The following NGB variants were observed in gnomAD, a reference collection of about 807,000 sequenced individuals.
NGB encodes neuroglobin, also known as nitrite reductase.
NGB carries 12 observed loss-of-function variants against 17.3 expected under a neutral mutation model. The observed-to-expected ratio is 0.69, with a 90% CI of 0.45 to 1.13. The LOEUF (loss-of-function observed/expected upper bound fraction) is 1.13. Ranked by LOEUF, NGB falls within the 50% of genes most tolerant of loss-of-function variation. NGB has a pLI of 0.00. For synonymous variants in NGB, 87 were observed against 81.0 expected, an observed-to-expected ratio of 1.07 and a Z score of -0.40; for missense variants, 195 against 191.7, an observed-to-expected ratio of 1.02 and a Z score of -0.10.
intron 1 of NGB, 41 bp from the exon 2 acceptor site, chr14:77,269,367 C>T: frequency 7.3e-7 from 1 of 1,373,324 alleles, no homozygotes. Context: ...GGGGTGTGAG[C>T]TCCTGCAAGC....
intron 3 of NGB, among the ~76,000 whole-genome samples, chr14:77,268,032 C>G (rs146401513): frequency 2.0e-5 from 3 of 152,238 alleles, no homozygotes; most frequent in African/African-American, 7.2e-5. Context: ...GGACAGAGCT[C>G]AAAGGCTGAC....
At position 77,271,140 on chromosome 14, in the gene NGB, C is replaced by T. The variant is rs1889772648; in HGVS notation, c.-203G>A. ...CGGCCAGTCGTAGGTGGAGACACCCCAGCTGTGCTTCCGGGGACCCCGCTT... is the reference window on the plus strand; with the variant it reads ...CGGCCAGTCGTAGGTGGAGACACCCTAGCTGTGCTTCCGGGGACCCCGCTT... On this transcript the variant is annotated 5_prime_UTR_variant, in exon 1 of 4. Coordinates refer to ENST00000298352, the MANE Select transcript of NGB (RefSeq NM_021257.4). 1 of 463,636 alleles carries T rather than the reference C, an allele frequency of 2.2e-6. No homozygotes were observed. Among genetic ancestry groups the T allele is most frequent in the Non-Finnish European group, 3.8e-6 (1 of 263,978 alleles). The allele number at this position is 463,636 out of a possible 1,614,324, so 28.7% of individuals were successfully genotyped here.
rs749676611 is a variant in NGB, at chr14:77,266,541, C to G, written c.451G>C (p.Glu151Gln). 1 of 1,612,166 alleles carries G rather than the reference C, an allele frequency of 6.2e-7. No homozygotes were observed. Residue 151 changes from glutamate to glutamine, a missense_variant, in exon 4 of 4, where the codon GAG becomes CAG. Physicochemically the swap from Glu to Gln is conservative, Grantham distance 29. Transcript: ENST00000298352. ...VQAMSRGWDG[E>Q] ...CTGCCGGGCGGGGTCGCCTCTTACT[C>G]GCCATCCCAGCCTCGACTCATGGCC...
At chr14:77,267,673 C>T (rs543644587) in intron 3 of NGB, among the ~76,000 whole-genome samples, 3 of 152,128 alleles carry the variant, frequency 2.0e-5, no homozygotes, top group South Asian at 4.1e-4. Flanking sequence ...GTAGATCAGG[C>T]ACTATGCTGG....
intron 3 of NGB, among the ~76,000 whole-genome samples, chr14:77,268,219 C>G (rs1005913763): frequency 6.6e-6 from 1 of 152,128 alleles, no homozygotes; most frequent in African/African-American, 2.4e-5. Context: ...TTGAGCAGAC[C>G]AGCTGATCCC....
chr14:77,270,773 G>A, intron 1 of NGB, 76 bp downstream of exon 1: 2 of 1,293,834 alleles, frequency 1.5e-6, no homozygotes, highest in Non-Finnish European at 2.1e-6. Flanking sequence ...CTCCTTCGGG[G>A]CCGGTCCTGC....
Position 77,266,623 on chromosome 14 carries a change from AG to A in NGB, c.368del (p.Pro123LeufsTer18). ...LLYMLEKCLGPAFTPATRAAW... is the reference protein window; with the variant it reads ...LLYMLEKCLGXAFTPATRAAW... ...CAGCCCGTGTGGCTGGTGTGAAGGC[AG>A]GGCCCAGACACTTCTCCAGCATGTA... On this transcript the variant is annotated frameshift_variant, in exon 4 of 4. Transcript: ENST00000298352. LOFTEE classifies it high-confidence loss of function. 6.2e-7 allele frequency: 1 copy of A among 1,614,100 alleles called. No individual in the cohort carries two copies. Among genetic ancestry groups the A allele is most frequent in the Non-Finnish European group, 8.5e-7 (1 of 1,180,022 alleles).
At chr14:77,266,902 C>G (rs1361096154) in intron 3 of NGB, among the ~76,000 whole-genome samples, 2 of 152,214 alleles carry the variant, frequency 1.3e-5, no homozygotes, top group Non-Finnish European at 2.9e-5. Flanking sequence ...TCACCCCTGT[C>G]TTGGTCTTGC....
rs564374148 is a variant in NGB at position 77,267,417 on chromosome 14, T to C, written c.322-747A>G. 3.9e-5 allele frequency among the ~76,000 whole-genome samples: 6 copies of C among 152,246 alleles called. No individual in the cohort carries two copies. In the South Asian group the frequency reaches 1.2e-3, roughly 32 times the overall value. The stretch of plus-strand genomic sequence containing the variant: ...TTAGCTGGGCATGGTGGTGCATGCC[T>C]GTAGTCCCAGCTATGAGGGAGGCTG... On this transcript the variant is annotated intron_variant, in intron 3 of 3. Coordinates refer to ENST00000298352, the MANE Select transcript of NGB (RefSeq NM_021257.4).
intron 3 of NGB, among the ~76,000 whole-genome samples, chr14:77,267,407 G>A (rs1270348932): frequency 6.6e-6 from 1 of 152,048 alleles, no homozygotes; most frequent in Non-Finnish European, 1.5e-5. Context: ...TGGGCATGGT[G>A]GTGCATGCCT....
intron 2 of NGB, among the ~76,000 whole-genome samples, chr14:77,268,788 C>T (rs1370523032): frequency 6.6e-6 from 1 of 152,196 alleles, no homozygotes; most frequent in African/African-American, 2.4e-5. Flanking sequence ...ATGTTATACC[C>T]ATGAAGGAAG....
rs397720987 is a variant in NGB, at chr14:77,266,285, A to G, written c.*251T>C. 7.5e-5 allele frequency: 55 copies of G among 729,126 alleles called. 3 individuals carry two copies. Among genetic ancestry groups the G allele is most frequent in the South Asian group, 7.4e-4 (54 of 73,162 alleles). The allele number at this position is 729,126 out of a possible 1,614,324, so 45.2% of individuals were successfully genotyped here. A position where few individuals can be genotyped will look rare whatever the true frequency, so the allele number is the denominator to read the frequency against. On this transcript the variant is annotated 3_prime_UTR_variant, in exon 4 of 4. Transcript: ENST00000298352. ...GCGGGGTCAGAGGGAGTGCCAAAAA[A>G]GGTAAAAAGAAACGCAAGAAAGAGG... is the stretch of plus-strand genomic sequence containing the variant.
At chr14:77,269,872 G>A (rs957738070) in intron 1 of NGB, among the ~76,000 whole-genome samples, 1 of 124,160 alleles carries the variant, frequency 8.1e-6, no homozygotes, top group Non-Finnish European at 1.6e-5. Context: ...ATTCCTCACT[G>A]TCCTAAGCAG....
rs569233708 is a variant in NGB, at chr14:77,265,557, A to G, written c.*979T>C. ...CAGTCAGCACAGAGCAAATGGTACA[A>G]GTGCAGATGGCTGGGGTGAGGGCGG... On this transcript the variant is annotated 3_prime_UTR_variant, in exon 4 of 4. Coordinates refer to ENST00000298352, the MANE Select transcript of NGB (RefSeq NM_021257.4). This position sits in a 1 kb window ranked among gnomAD's most constrained non-coding sequence, Gnocchi z 4.7. The G allele has an allele frequency of 6.5e-6, 1 of 153,998 alleles. No homozygotes were observed. The highest frequency in any genetic ancestry group is 2.4e-5 in the African/African-American group (1 of 41,610). 9.5% of individuals were successfully genotyped at this position (153,998 alleles called of 1,614,324 possible). A position where few individuals can be genotyped will look rare whatever the true frequency, so the allele number is the denominator to read the frequency against.
chr14:77,268,595 C>T lies in NGB; in HGVS notation c.202-10G>A. 1 of 1,613,918 alleles carries T rather than the reference C, an allele frequency of 6.2e-7. No homozygotes were observed. The highest frequency in any genetic ancestry group is 8.5e-7 in the Non-Finnish European group (1 of 1,179,962). ...CAATCACGAGCATCACCTGCCAAGG[C>T]CAAGGCAGCAGTGAAACAGAGAGGC... On this transcript the variant is annotated splice_polypyrimidine_tract_variant and intron_variant, in intron 2 of 3. Transcript: ENST00000298352.
In NGB at chr14:77,266,576, G is replaced by A. The variant is rs1217472380; in HGVS notation, c.416C>T (p.Ala139Val). The A allele has an allele frequency of 1.2e-6, 2 of 1,614,148 alleles. No homozygotes were observed. The highest frequency in any genetic ancestry group is 3.3e-5 in the Admixed American group (2 of 60,036). ...TRAAWSQLYG[A>V]VVQAMSRGWD... ...GCCTCGACTCATGGCCTGCACTACGGCCCCGTAGAGTTGGCTCCAGGCAGC... is the reference window on the plus strand; with the variant it reads ...GCCTCGACTCATGGCCTGCACTACGACCCCGTAGAGTTGGCTCCAGGCAGC... The change falls in exon 4 of 4, where the codon GCC (alanine) becomes GTC (valine). Residue 139 changes from alanine (A) to valine (V), a missense_variant. Ala to Val is a moderately conservative substitution (Grantham distance 64). Coordinates refer to ENST00000298352, the MANE Select transcript of NGB (RefSeq NM_021257.4).
At position 77,266,262 on chromosome 14, in the gene NGB, G is replaced by T. The variant is rs371782488; in HGVS notation, c.*274C>A. ...CCTCTGCCACCAAAACACTCATCGC[G>T]GGGTCAGAGGGAGTGCCAAAAAAGG... On this transcript the variant is annotated 3_prime_UTR_variant, in exon 4 of 4. Coordinates refer to ENST00000298352, the MANE Select transcript of NGB (RefSeq NM_021257.4). 1.5e-6 allele frequency: 1 copy of T among 666,768 alleles called. No individual in the cohort carries two copies. Among genetic ancestry groups the T allele is most frequent in the Admixed American group, 1.8e-5 (1 of 55,268 alleles). The allele number at this position is 666,768 out of a possible 1,614,324, so 41.3% of individuals were successfully genotyped here. A position where few individuals can be genotyped will look rare whatever the true frequency, so the allele number is the denominator to read the frequency against.
chr14:77,268,612 C>G, intron 2 of NGB, 27 bp from the exon 3 acceptor site: 1 of 1,613,514 alleles, frequency 6.2e-7, no homozygotes, highest in Middle Eastern at 1.7e-4. Context: ...AGCAGTGAAA[C>G]AGAGAGGCCA....
rs116897063 is a variant in NGB at position 77,266,299 on chromosome 14, G to C, written c.*237C>G. The C allele has an allele frequency of 1.3e-6, 1 of 757,806 alleles. No homozygotes were observed. Among genetic ancestry groups the C allele is most frequent in the Admixed American group, 1.7e-5 (1 of 58,114 alleles). The allele number at this position is 757,806 out of a possible 1,614,324, so 46.9% of individuals were successfully genotyped here. ...AGTGCCAAAAAAGGTAAAAAGAAACGCAAGAAAGAGGCTACTGGGGATGAG... is the reference window on the plus strand; with the variant it reads ...AGTGCCAAAAAAGGTAAAAAGAAACCCAAGAAAGAGGCTACTGGGGATGAG... On this transcript the variant is annotated 3_prime_UTR_variant, in exon 4 of 4. Coordinates refer to ENST00000298352, the MANE Select transcript of NGB (RefSeq NM_021257.4).
Sources: gnomAD v4.1 joint callset for allele counts (sites outside exome capture counted in the v4.1 genomes callset) on GRCh38, gnomAD v4.1.1 for gene constraint, Gnocchi (gnomAD v3.1) non-coding constraint, MANE v1.5 for transcripts, NCBI Gene and HGNC (gene_info 2026-07-23, HGNC 2026-07-21) for gene names.